Variants in MTMR1 observed in about 807,000 individuals in gnomAD.
MTMR1 encodes the protein phosphatidylinositol-3-phosphate phosphatase MTMR1.
Under a neutral mutation model 51.6 loss-of-function variants are expected in MTMR1, and 17 were observed. The observed-to-expected ratio is 0.33, with a 90% CI of 0.23 to 0.49. The LOEUF (loss-of-function observed/expected upper bound fraction) is 0.49. Ranked by LOEUF, MTMR1 falls within the 20% of genes least tolerant of loss-of-function variation. The pLI is 0.99. For synonymous variants in MTMR1, 201 were observed against 205.6 expected, an observed-to-expected ratio of 0.98 and a Z score of 0.19; for missense variants, 386 against 526.9, an observed-to-expected ratio of 0.73 and a Z score of 2.62.
intron 13 of MTMR1, among the ~76,000 whole-genome samples, chrX:150,749,496 G>A (rs929396679): frequency 9.8e-5 from 11 of 111,737 alleles, no homozygotes; most frequent in South Asian, 3.7e-4. Flanking sequence ...GAGTTCTGGC[G>A]CATGGTAGGC....
intron 12 of MTMR1, among the ~76,000 whole-genome samples, chrX:150,741,748 C>T (rs1212391903): frequency 8.9e-6 from 1 of 112,659 alleles, no homozygotes; most frequent in Non-Finnish European, 1.9e-5. Context: ...ATAGGAGTTC[C>T]ATGGCTATCT....
intron 4 of MTMR1, among the ~76,000 whole-genome samples, chrX:150,721,380 G>C (rs1045127057): frequency 1.3e-4 from 15 of 111,813 alleles, no homozygotes; most frequent in South Asian, 3.7e-4. Flanking sequence ...ATATCTGGTA[G>C]AGTTTACCAG....
chrX:150,701,571 G>A (rs1173712524), intron 2 of MTMR1, among the ~76,000 whole-genome samples: 2 of 112,484 alleles, frequency 1.8e-5, no homozygotes, highest in African/African-American at 6.5e-5. Flanking sequence ...CTTCTGAGTT[G>A]TAACAGGCTG....
At chrX:150,730,031 C>A in intron 6 of MTMR1, 78 bp from the exon 7 acceptor site, 1 of 578,311 alleles carries the variant, frequency 1.7e-6, no homozygotes, top group Admixed American at 3.8e-5. Context: ...AAAATAATTT[C>A]CTTATTTATG....
intron 10 of MTMR1, chrX:150,735,548 C>T: frequency 2.1e-6 from 1 of 469,969 alleles, no homozygotes; most frequent in Non-Finnish European, 3.8e-6. Flanking sequence ...CCCATCATCT[C>T]TTACCTCACC....
At position 150,737,462 on chromosome X, in the gene MTMR1, G is replaced by A; in HGVS notation, c.1473+14G>A. ...AGGTTTGCACTGGTAAGTTCAGACA[G>A]TGAGGTTTATGCTGGACTGTTTTGC... On this transcript the variant is annotated intron_variant, in intron 12 of 15. Coordinates refer to ENST00000445323, the MANE Select transcript of MTMR1 (RefSeq NM_001306144.3). 1.7e-6 allele frequency: 2 copies of A among 1,196,028 alleles called. No homozygotes were observed. Among genetic ancestry groups the A allele is most frequent in the Non-Finnish European group, 2.3e-6 (2 of 881,225 alleles).
intron 13 of MTMR1, among the ~76,000 whole-genome samples, chrX:150,748,001 G>A (rs781844688): frequency 2.7e-5 from 3 of 111,783 alleles, no homozygotes; most frequent in Non-Finnish European, 5.6e-5. Context: ...CAACATCAAG[G>A]CCCCAGCAGA....
At chrX:150,725,753 T>C (rs971360844) in intron 4 of MTMR1, among the ~76,000 whole-genome samples, 1 of 111,495 alleles carries the variant, frequency 9.0e-6, no homozygotes, top group Non-Finnish European at 1.9e-5. Flanking sequence ...CAGTTATCTT[T>C]TAAGGATAAT....
chrX:150,709,751 C>T (rs781788727), intron 2 of MTMR1, among the ~76,000 whole-genome samples: 5 of 111,205 alleles, frequency 4.5e-5, no homozygotes, highest in Non-Finnish European at 7.5e-5. Context: ...CTTAAATAAC[C>T]AGATCTCAAA....
intron 12 of MTMR1, among the ~76,000 whole-genome samples, chrX:150,739,039 C>T (rs1271691765): frequency 1.8e-5 from 2 of 112,206 alleles, no homozygotes; most frequent in Non-Finnish European, 3.8e-5. Flanking sequence ...ATTAGACTTG[C>T]TATGGAAAGC....
At chrX:150,701,955 A>G (rs1383811478) in intron 2 of MTMR1, among the ~76,000 whole-genome samples, 3 of 112,002 alleles carry the variant, frequency 2.7e-5, no homozygotes, top group African/African-American at 9.7e-5. Flanking sequence ...AGGGTCATAC[A>G]GTTAGACTTG....
At chrX:150,696,868 A>C (rs1440778895) in intron 1 of MTMR1, among the ~76,000 whole-genome samples, 1 of 111,824 alleles carries the variant, frequency 8.9e-6, no homozygotes, top group Non-Finnish European at 1.9e-5. Context: ...GGCTGGTCCT[A>C]GGTAACTCAC....
At chrX:150,724,274 A>G (rs782414067) in intron 4 of MTMR1, among the ~76,000 whole-genome samples, 7 of 109,670 alleles carry the variant, frequency 6.4e-5, no homozygotes, top group Non-Finnish European at 1.3e-4. Context: ...ATATGATAAT[A>G]GCCATTCTGA....
chrX:150,707,820 C>T (rs782572774), intron 2 of MTMR1, among the ~76,000 whole-genome samples: 21 of 111,975 alleles, frequency 1.9e-4, no homozygotes, highest in African/African-American at 6.5e-4. Flanking sequence ...TGGAACCCAC[C>T]CAGATGTTCT....
chrX:150,723,573 T>A (rs1271916796), intron 4 of MTMR1, among the ~76,000 whole-genome samples: 1 of 111,614 alleles, frequency 9.0e-6, no homozygotes, highest in East Asian at 2.8e-4. Flanking sequence ...GGTATCTCAT[T>A]GTGGTTTTGA....
At chrX:150,736,911 C>A in intron 11 of MTMR1, 131 bp downstream of exon 11, 1 of 664,364 alleles carries the variant, frequency 1.5e-6, no homozygotes, top group Non-Finnish European at 2.2e-6. Context: ...CCATGGACAG[C>A]ATCAGACTGG....
At chrX:150,752,265 C>T (rs1419365482) in intron 14 of MTMR1, among the ~76,000 whole-genome samples, 1 of 111,602 alleles carries the variant, frequency 9.0e-6, no homozygotes, top group East Asian at 2.8e-4. Context: ...CAAGCCCCTA[C>T]TGTCTCACAC....
At chrX:150,732,841 A>G (rs1557417043) in intron 10 of MTMR1, 111 bp downstream of exon 10, 7 of 764,884 alleles carry the variant, frequency 9.2e-6, no homozygotes, top group Non-Finnish European at 1.3e-5. Flanking sequence ...AGTTAGAATC[A>G]TTTGGAGTCC....
At chrX:150,746,150 G>A (rs782679361) in intron 13 of MTMR1, among the ~76,000 whole-genome samples, 5 of 111,982 alleles carry the variant, frequency 4.5e-5, no homozygotes, top group Non-Finnish European at 1.9e-5. Context: ...CTAGAAATAA[G>A]GAACAAAGGG....
Sources: gnomAD v4.1 joint callset for allele counts (sites outside exome capture counted in the v4.1 genomes callset) on GRCh38, gnomAD v4.1.1 for gene constraint, MANE v1.5 for transcripts, NCBI Gene and HGNC (gene_info 2026-07-23, HGNC 2026-07-21) for gene names.